TLE5: variants seen among roughly 807,000 people sequenced by gnomAD.
TLE5 encodes the protein TLE family member 5.
In TLE5, 7 loss-of-function variants were observed where a neutral mutation model predicts 25.8. The observed-to-expected ratio is 0.27, with a 90% CI of 0.15 to 0.51. TLE5 has a LOEUF of 0.51. Among genes scored for constraint, TLE5 ranks in the 20% least tolerant of loss-of-function variants. The pLI is 0.97. For synonymous variants in TLE5, 132 were observed against 110.5 expected, an observed-to-expected ratio of 1.20 and a Z score of -1.22; for missense variants, 149 against 250.7, an observed-to-expected ratio of 0.59 and a Z score of 2.74.
At chr19:3,062,051 G>A in intron 1 of TLE5, 123 bp downstream of exon 1, 1 of 256,562 alleles carries the variant, frequency 3.9e-6, no homozygotes, top group East Asian at 7.9e-5. Context: ...CGGGGAGTTG[G>A]GGGGGGCGCC....
At chr19:3,054,089 C>CCA in intron 6 of TLE5, 31 bp downstream of exon 6, 1 of 752,656 alleles carries the variant, frequency 1.3e-6, no homozygotes. Flanking sequence ...CCACCTGTCC[C>CCA]CCGCCCACCC....
At chr19:3,060,096 G>A (rs1198386116) in intron 2 of TLE5, among the ~76,000 whole-genome samples, 2 of 152,030 alleles carry the variant, frequency 1.3e-5, no homozygotes, top group African/African-American at 2.4e-5. Flanking sequence ...GGGTGGGCAC[G>A]CTTCAGTTTA....
chr19:3,061,946 G>C (rs2090273964), intron 1 of TLE5, among the ~76,000 whole-genome samples: 1 of 135,802 alleles, frequency 7.4e-6, no homozygotes, highest in African/African-American at 2.8e-5. Flanking sequence ...CGGAAGCTGG[G>C]GTGGATCGGG....
intron 1 of TLE5, among the ~76,000 whole-genome samples, chr19:3,061,666 G>T (rs979002184): frequency 6.6e-5 from 10 of 151,584 alleles, no homozygotes; most frequent in Non-Finnish European, 1.3e-4. Flanking sequence ...CTTGGGGGAG[G>T]GGTCTCTCTC....
intron 2 of TLE5, among the ~76,000 whole-genome samples, chr19:3,059,588 A>G (rs928189223): frequency 1.2e-4 from 18 of 152,202 alleles, no homozygotes; most frequent in African/African-American, 4.3e-4. Flanking sequence ...TTCTTGAAAA[A>G]TAGGATGGTC....
intron 2 of TLE5, among the ~76,000 whole-genome samples, chr19:3,058,989 G>C (rs1185193424): frequency 6.6e-6 from 1 of 152,122 alleles, no homozygotes; most frequent in Non-Finnish European, 1.5e-5. Context: ...TAACAACCTC[G>C]CAGGGTGGGG....
At chr19:3,062,077 G>A in intron 1 of TLE5, 97 bp downstream of exon 1, 1 of 547,790 alleles carries the variant, frequency 1.8e-6, no homozygotes, top group Non-Finnish European at 2.5e-6. Flanking sequence ...GGAGGCACCG[G>A]GCCTGGGGGT....
Position 3,062,187 on chromosome 19 carries a change from T to G in TLE5, c.14A>C (p.Gln5Pro). MMFP[Q>P]SRHSGSSHLP... ...GGCCCCGCTTACCGAATGCCTGCTT[T>G]GTGGAAACATCATGTCAATCGCGGC... Residue 5 changes from glutamine (Q) to proline (P), a missense_variant, in exon 1 of 7, where the codon CAA (glutamine) becomes CCA (proline). Physicochemically the swap from Gln to Pro is moderately conservative, Grantham distance 76. Coordinates refer to ENST00000327141, the MANE Select transcript of TLE5 (RefSeq NM_001130.6). The G allele has an allele frequency of 8.7e-7, 1 of 1,154,712 alleles. No individual in the cohort carries two copies. The highest frequency in any genetic ancestry group is 1.1e-6 in the Non-Finnish European group (1 of 937,726). 71.5% of individuals were successfully genotyped at this position (1,154,712 alleles called of 1,614,324 possible).
At chr19:3,062,655 G>C, upstream of TLE5, 2 of 1,316,900 alleles carry the variant, frequency 1.5e-6, no homozygotes, top group South Asian at 1.9e-5. Context: ...CCTTGGGCCC[G>C]GCCCGCCCCC....
rs146106604 is a variant in TLE5, at chr19:3,053,933, G to A, written c.480C>T (p.Gly160=). The part of the protein sequence containing the change: ...QPPSLPAVSA[G]TGLLSLSALG... ...GCGCGGACAGCGAGAGGAGGCCGGT[G>A]CCTGCGCTGACCGCCGGCAGCGAAG... The change falls in exon 7 of 7, where the codon GGC becomes GGT. Residue 160 remains glycine (G), a synonymous_variant. Coordinates refer to ENST00000327141, the MANE Select transcript of TLE5 (RefSeq NM_001130.6). 4 of 1,612,494 alleles carry A rather than the reference G, an allele frequency of 2.5e-6. No individual in the cohort carries two copies. Among genetic ancestry groups the A allele is most frequent in the Non-Finnish European group, 3.4e-6 (4 of 1,179,862 alleles).
chr19:3,055,758 C>G, intron 4 of TLE5, 32 bp from the exon 5 acceptor site: 1 of 1,578,802 alleles, frequency 6.3e-7, no homozygotes. Context: ...GGCTTCAGTC[C>G]TGGGCGGGTG....
intron 2 of TLE5, 149 bp from the exon 3 acceptor site, chr19:3,057,891 T>G: frequency 1.4e-6 from 1 of 720,082 alleles, no homozygotes; most frequent in South Asian, 1.7e-5. Flanking sequence ...AATAATTTTT[T>G]TTTTAAATTG....
intron 3 of TLE5, chr19:3,057,447 G>T: frequency 1.8e-6 from 1 of 550,704 alleles, no homozygotes; most frequent in Non-Finnish European, 3.3e-6. Context: ...GACCTGGCAG[G>T]GCCGGTCTGC....
At chr19:3,062,049 T>TG (rs1198386771) in intron 1 of TLE5, 125 bp downstream of exon 1, 47 of 86,568 alleles carry the variant, frequency 5.4e-4, no homozygotes, top group Admixed American at 1.1e-3. Flanking sequence ...GCCGGGGAGT[T>TG]GGGGGGGGCG....
intron 3 of TLE5, among the ~76,000 whole-genome samples, chr19:3,056,934 C>G (rs541230848): frequency 6.6e-6 from 1 of 152,106 alleles, no homozygotes; most frequent in Non-Finnish European, 1.5e-5. Context: ...CTGGTGAACT[C>G]CTACTCATCC....
chr19:3,055,532 G>A, intron 5 of TLE5, 132 bp downstream of exon 5: 1 of 713,242 alleles, frequency 1.4e-6, no homozygotes, highest in Non-Finnish European at 2.2e-6. Context: ...GGTGTTCAGA[G>A]CCAGGGAGGT....
At chr19:3,054,086 T>TCGGGGGGGGCCCCCCCCCCCCCCCC in intron 6 of TLE5, 34 bp downstream of exon 6, 1 of 1,512,806 alleles carries the variant, frequency 6.6e-7, no homozygotes, top group Non-Finnish European at 8.9e-7. Flanking sequence ...GGCCCACCTG[T>TCGGGGGGGGCCCCCCCCCCCCCCCC]CCCCCGCCCA....
intron 6 of TLE5, 27 bp from the exon 7 acceptor site, chr19:3,054,067 G>A (rs1209708002): frequency 3.8e-6 from 6 of 1,563,664 alleles, no homozygotes. Context: ...GGGAACATTA[G>A]CTGCCTGGGG....
chr19:3,055,606 A>C, intron 5 of TLE5, 58 bp downstream of exon 5: 1 of 1,482,834 alleles, frequency 6.7e-7, no homozygotes, highest in Admixed American at 2.2e-5. Flanking sequence ...TGCAGTGGAC[A>C]GGGGCTGGGC....
Sources: allele counts gnomAD v4.1 joint callset (sites outside exome capture counted in the v4.1 genomes callset), GRCh38; gene constraint gnomAD v4.1.1; transcripts MANE v1.5; gene names NCBI Gene and HGNC (gene_info 2026-07-23, HGNC 2026-07-21).